The following RBFOX1 variants were observed in gnomAD, a reference collection of about 807,000 sequenced individuals.
RBFOX1 encodes the protein RNA binding fox-1 homolog 1.
Under a neutral mutation model 57.7 loss-of-function variants are expected in RBFOX1, and 8 were observed. That is an observed-to-expected ratio of 0.14 (90% CI 0.08 to 0.25). The LOEUF is 0.25. Ranked by LOEUF, RBFOX1 falls within the 10% of genes least tolerant of loss-of-function variation. The pLI, the probability that RBFOX1 is intolerant of heterozygous loss-of-function variation, is 1.00. For synonymous variants in RBFOX1, 326 were observed against 222.4 expected, an observed-to-expected ratio of 1.47 and a Z score of -4.15; for missense variants, 611 against 548.5, an observed-to-expected ratio of 1.11 and a Z score of -1.14.
At chr16:6,058,588 A>G (rs1182267138) in intron 1 of RBFOX1, among the ~76,000 whole-genome samples, 2 of 151,860 alleles carry the variant, frequency 1.3e-5, no homozygotes, top group Admixed American at 6.6e-5. Context: ...TCATCCATCT[A>G]TCTACCCACC....
intron 4 of RBFOX1, among the ~76,000 whole-genome samples, chr16:5,951,120 TAG>T (rs1382632068): frequency 6.6e-6 from 1 of 152,050 alleles, no homozygotes; most frequent in Non-Finnish European, 1.5e-5. Context: ...TCTGAATGAA[TAG>T]AGAGAGATAT....
intron 4 of RBFOX1, among the ~76,000 whole-genome samples, chr16:7,375,498 G>GTTTTTTTTTTTTTTTTTT (rs1303255513): frequency 6.7e-6 from 1 of 148,852 alleles, no homozygotes. Flanking sequence ...GAGAGGTTTT[G>GTTTTTTTTTTTTTTTTTT]TTTTTTTGTT....
rs529017294 is a variant in RBFOX1, at chr16:5,750,982, C to T, written c.319-116321C>T. Among the ~76,000 whole-genome samples, 5 of 152,286 alleles carry T rather than the reference C, an allele frequency of 3.3e-5. No individual in the cohort carries two copies. In the South Asian group the frequency reaches 1.0e-3, roughly 32 times the overall value. Reference sequence around the variant, plus strand: ...TGGGAGCTGTAGACTGGAGCTGTTCCTATTCGGCAATCTTGGAACCCACCA... The same window carrying T: ...TGGGAGCTGTAGACTGGAGCTGTTCTTATTCGGCAATCTTGGAACCCACCA... On this transcript the variant is annotated intron_variant, in intron 3 of 19. Coordinates refer to the RBFOX1 transcript ENST00000641259.
chr16:5,611,041 G>C (rs1180065435), intron 3 of RBFOX1, among the ~76,000 whole-genome samples: 1 of 152,138 alleles, frequency 6.6e-6, no homozygotes, highest in Non-Finnish European at 1.5e-5. Context: ...AGCCTAGTCT[G>C]TTTCCATATC....
intron 3 of RBFOX1, among the ~76,000 whole-genome samples, chr16:7,010,187 C>G (rs758454479): frequency 1.3e-5 from 2 of 152,222 alleles, no homozygotes; most frequent in Admixed American, 6.5e-5. Flanking sequence ...CTATGAGGGT[C>G]CCTTATACAT....
intron 1 of RBFOX1, among the ~76,000 whole-genome samples, chr16:5,452,837 T>A (rs570938134): frequency 6.6e-6 from 1 of 151,920 alleles, no homozygotes; most frequent in South Asian, 2.1e-4. Context: ...AGGGACGGGG[T>A]TTGCTCAGGC....
At chr16:7,483,106 G>C (rs1367246542) in intron 4 of RBFOX1, among the ~76,000 whole-genome samples, 1 of 152,146 alleles carries the variant, frequency 6.6e-6, no homozygotes, top group East Asian at 1.9e-4. Context: ...CCTTCCTCAA[G>C]TTAGAAGAAC....
chr16:7,543,335 TG>T (rs2083465760), intron 5 of RBFOX1, among the ~76,000 whole-genome samples: 2 of 152,252 alleles, frequency 1.3e-5, no homozygotes. Context: ...TGTCAGATTC[TG>T]GGAGATATTT....
intron 7 of RBFOX1, 134 bp downstream of exon 7, chr16:7,587,434 C>T (rs946931028): frequency 5.5e-5 from 52 of 947,016 alleles, no homozygotes; most frequent in Middle Eastern, 2.5e-4. Context: ...TTAGAGACCA[C>T]CTTCCGTTTT....
At chr16:6,052,615 T>C (rs1163086800) in intron 1 of RBFOX1, among the ~76,000 whole-genome samples, 2 of 151,790 alleles carry the variant, frequency 1.3e-5, no homozygotes, top group Non-Finnish European at 2.9e-5. Context: ...AAACTCTGTC[T>C]CTACTAAAAA....
intron 1 of RBFOX1, among the ~76,000 whole-genome samples, chr16:6,256,197 G>GTATA (rs1567788091): frequency 3.1e-4 from 14 of 45,348 alleles, no homozygotes; most frequent in East Asian, 6.3e-4. Flanking sequence ...GTATATATAT[G>GTATA]TATATGTATA....
intron 1 of RBFOX1, among the ~76,000 whole-genome samples, chr16:5,266,638 C>G (rs1035089061): frequency 6.7e-6 from 1 of 149,514 alleles, no homozygotes; most frequent in African/African-American, 2.5e-5. Context: ...GCCTCTGTCT[C>G]CTGGGCTCAA....
chr16:7,020,189 A>G (rs147027269), intron 3 of RBFOX1, among the ~76,000 whole-genome samples: 48 of 151,900 alleles, frequency 3.2e-4, no homozygotes, highest in Middle Eastern at 3.4e-3. Context: ...GTAAATCTAA[A>G]ATATTTTCTT....
At chr16:7,417,493 C>A (rs890242502) in intron 4 of RBFOX1, among the ~76,000 whole-genome samples, 1 of 151,430 alleles carries the variant, frequency 6.6e-6, no homozygotes, top group African/African-American at 2.4e-5. Context: ...TCCAATGCAT[C>A]CGCCTTATTC....
At chr16:5,711,547 G>C (rs552885928) in intron 3 of RBFOX1, among the ~76,000 whole-genome samples, 1 of 152,172 alleles carries the variant, frequency 6.6e-6, no homozygotes, top group Non-Finnish European at 1.5e-5. Context: ...GAAATAAAGA[G>C]CATTAGGTGG....
chr16:6,006,096 G>A (rs1043211646), intron 4 of RBFOX1, among the ~76,000 whole-genome samples: 3 of 152,180 alleles, frequency 2.0e-5, no homozygotes, highest in Admixed American at 1.3e-4. Context: ...TTAGATAAGT[G>A]GTGTGTTAAC....
chr16:5,294,249 A>G (rs920712607), intron 1 of RBFOX1, among the ~76,000 whole-genome samples: 3 of 151,974 alleles, frequency 2.0e-5, no homozygotes, highest in Non-Finnish European at 4.4e-5. Context: ...AACAAGAAAC[A>G]CACACACAAA....
chr16:5,813,276 C>G (rs771030728), intron 3 of RBFOX1, among the ~76,000 whole-genome samples: 1 of 152,136 alleles, frequency 6.6e-6, no homozygotes. Flanking sequence ...AAACCTTTAA[C>G]CATTTTAAAA....
chr16:7,348,336 T>A (rs903891802), intron 4 of RBFOX1, among the ~76,000 whole-genome samples: 1 of 152,226 alleles, frequency 6.6e-6, no homozygotes, highest in African/African-American at 2.4e-5. Context: ...TCACAAAGAT[T>A]TGTAAAACTT....
Sources: allele counts gnomAD v4.1 joint callset (sites outside exome capture counted in the v4.1 genomes callset), GRCh38; gene constraint gnomAD v4.1.1; transcripts MANE v1.5; gene names NCBI Gene and HGNC (gene_info 2026-07-23, HGNC 2026-07-21).